The following HOMER1 variants were observed in gnomAD, a reference collection of about 807,000 sequenced individuals.
HOMER1 encodes homer protein homolog 1.
A neutral mutation model predicts 48.9 loss-of-function variants in HOMER1; 3 were observed. The observed-to-expected ratio is 0.06, with a 90% CI of 0.03 to 0.16. The LOEUF (loss-of-function observed/expected upper bound fraction) is 0.16, where lower values mean the gene tolerates loss of function less well. Ranked by LOEUF, HOMER1 falls within the 10% of genes least tolerant of loss-of-function variation. The pLI, the probability that HOMER1 is intolerant of heterozygous loss-of-function variation, is 1.00. For missense variants in HOMER1, 247 were observed against 411.4 expected, an observed-to-expected ratio of 0.60 and a Z score of 3.46; for synonymous variants, 134 against 146.4, an observed-to-expected ratio of 0.92 and a Z score of 0.61.
At chr5:79,394,343 A>T (rs1749326993) in intron 8 of HOMER1, among the ~76,000 whole-genome samples, 1 of 152,136 alleles carries the variant, frequency 6.6e-6, no homozygotes, top group African/African-American at 2.4e-5. Flanking sequence ...TTTCTGTGGG[A>T]GGGAGAAGGC....
chr5:79,434,341 A>G (rs1458795151), intron 5 of HOMER1, among the ~76,000 whole-genome samples: 1 of 149,332 alleles, frequency 6.7e-6, no homozygotes, highest in Non-Finnish European at 1.5e-5. Flanking sequence ...ATCTATTATT[A>G]TTTATTAAAA....
intron 4 of HOMER1, among the ~76,000 whole-genome samples, chr5:79,439,524 T>C (rs1182223107): frequency 6.6e-6 from 1 of 151,942 alleles, no homozygotes; most frequent in Admixed American, 6.6e-5. Context: ...TGCACAAAAA[T>C]GCAAGAAGAT....
intron 1 of HOMER1, among the ~76,000 whole-genome samples, chr5:79,466,889 T>G (rs371349447): frequency 4.6e-5 from 7 of 152,130 alleles, no homozygotes; most frequent in African/African-American, 1.7e-4. Context: ...CCCCCTGGAT[T>G]CAAGCAATTC....
chr5:79,455,732 T>C (rs567385183), intron 2 of HOMER1, among the ~76,000 whole-genome samples: 2 of 152,216 alleles, frequency 1.3e-5, no homozygotes. Flanking sequence ...TTCCTGAAAG[T>C]GGAAAGGCTT....
At chr5:79,431,079 C>T (rs1318703177) in intron 5 of HOMER1, among the ~76,000 whole-genome samples, 1 of 152,134 alleles carries the variant, frequency 6.6e-6, no homozygotes, top group African/African-American at 2.4e-5. Context: ...ACCTGTAATC[C>T]CAGCACTTTG....
intron 1 of HOMER1, among the ~76,000 whole-genome samples, chr5:79,511,431 G>A (rs769933038): frequency 6.6e-5 from 10 of 152,130 alleles, no homozygotes; most frequent in Non-Finnish European, 1.3e-4. Context: ...AAAGCAATTC[G>A]TTTTTTACAG....
At chr5:79,396,487 A>G (rs1018311149) in intron 8 of HOMER1, among the ~76,000 whole-genome samples, 7 of 151,838 alleles carry the variant, frequency 4.6e-5, no homozygotes, top group African/African-American at 1.7e-4. Context: ...GGCTCAAGTG[A>G]TCCTCCTCCT....
At chr5:79,436,520 C>T (rs1750589561) in intron 5 of HOMER1, among the ~76,000 whole-genome samples, 1 of 152,194 alleles carries the variant, frequency 6.6e-6, no homozygotes, top group Non-Finnish European at 1.5e-5. Context: ...AAGGCACACA[C>T]TTTCAAACTT....
chr5:79,388,033 G>A (rs150483271), intron 8 of HOMER1, among the ~76,000 whole-genome samples: 2 of 152,308 alleles, frequency 1.3e-5, no homozygotes, highest in South Asian at 2.1e-4. Flanking sequence ...GCCCAGAAGA[G>A]TAGAGAACAA....
chr5:79,404,313 T>C (rs1179318489), intron 5 of HOMER1, among the ~76,000 whole-genome samples: 1 of 152,214 alleles, frequency 6.6e-6, no homozygotes, highest in Non-Finnish European at 1.5e-5. Context: ...TGTTTTTCTA[T>C]TATATTTATG....
chr5:79,434,892 T>C (rs6886187), intron 5 of HOMER1, among the ~76,000 whole-genome samples: 3,728 of 152,202 alleles, frequency 0.024, 151 homozygotes, highest in African/African-American at 0.085. Flanking sequence ...AGGTATGATA[T>C]AAAAAGTTGT....
intron 8 of HOMER1, among the ~76,000 whole-genome samples, chr5:79,378,221 TCAA>T (rs1489974587): frequency 2.1e-5 from 2 of 97,484 alleles, no homozygotes; most frequent in African/African-American, 4.7e-5. Context: ...AGACTCTGTC[TCAA>T]AAAAAAAAAA....
chr5:79,430,482 C>T (rs774045168), intron 5 of HOMER1, among the ~76,000 whole-genome samples: 1 of 152,196 alleles, frequency 6.6e-6, no homozygotes, highest in Non-Finnish European at 1.5e-5. Flanking sequence ...ATAGAATTAC[C>T]ACATAACCTA....
At chr5:79,510,764 T>A in intron 1 of HOMER1, 2 of 760,800 alleles carry the variant, frequency 2.6e-6, no homozygotes, top group Admixed American at 3.4e-5. Context: ...CGTGCCCGCA[T>A]TGCCAAGGGG....
At chr5:79,437,829 A>G (rs1370739567) in intron 5 of HOMER1, among the ~76,000 whole-genome samples, 2 of 152,046 alleles carry the variant, frequency 1.3e-5, no homozygotes, top group African/African-American at 4.8e-5. Flanking sequence ...CTAAGTTTTT[A>G]CATATTTTTA....
chr5:79,448,978 A>T (rs1007263324), intron 3 of HOMER1, among the ~76,000 whole-genome samples: 14 of 136,594 alleles, frequency 1.0e-4, no homozygotes, highest in East Asian at 6.0e-4. Context: ...AAAAAAATTA[A>T]AAAAAAAAAG....
chr5:79,454,342 T>G (rs1267462093), intron 2 of HOMER1, among the ~76,000 whole-genome samples: 3 of 152,186 alleles, frequency 2.0e-5, no homozygotes, highest in African/African-American at 7.2e-5. Context: ...AGGATTGTTA[T>G]CTTTTTCTGT....
chr5:79,451,367 G>A (rs1333718598), intron 2 of HOMER1, among the ~76,000 whole-genome samples: 1 of 151,958 alleles, frequency 6.6e-6, no homozygotes, highest in Non-Finnish European at 1.5e-5. Context: ...GTTTACCTAT[G>A]ATCCAAAAAG....
At chr5:79,406,270 A>T (rs1749659892) in intron 5 of HOMER1, among the ~76,000 whole-genome samples, 1 of 152,216 alleles carries the variant, frequency 6.6e-6, no homozygotes. Context: ...TTTAAGATAC[A>T]ACTCTGGTAA....
Sources: gnomAD v4.1 joint callset for allele counts (sites outside exome capture counted in the v4.1 genomes callset) on GRCh38, gnomAD v4.1.1 for gene constraint, MANE v1.5 for transcripts, NCBI Gene and HGNC (gene_info 2026-07-23, HGNC 2026-07-21) for gene names.